UBE2E2: variants seen among roughly 807,000 people sequenced by gnomAD.
The protein encoded by UBE2E2 is ubiquitin-conjugating enzyme E2 E2.
A neutral mutation model predicts 24.7 loss-of-function variants in UBE2E2; 6 were observed. That is an observed-to-expected ratio of 0.24 (90% CI 0.13 to 0.48). The LOEUF is 0.48. UBE2E2 is among the 20% of genes least tolerant of loss of function. UBE2E2 has a pLI of 0.99. For synonymous variants in UBE2E2, 104 were observed against 83.6 expected, an observed-to-expected ratio of 1.24 and a Z score of -1.33; for missense variants, 169 against 245.0, an observed-to-expected ratio of 0.69 and a Z score of 2.07.
intron 3 of UBE2E2, among the ~76,000 whole-genome samples, chr3:23,345,961 C>T (rs1234330763): frequency 6.6e-6 from 1 of 152,146 alleles, no homozygotes. Context: ...CGGCAGACAG[C>T]AGAAACTAAT....
At chr3:23,267,005 C>G (rs1334105235) in intron 3 of UBE2E2, among the ~76,000 whole-genome samples, 1 of 151,998 alleles carries the variant, frequency 6.6e-6, no homozygotes, top group Non-Finnish European at 1.5e-5. Flanking sequence ...TTTGAAACCA[C>G]TGAGAACAAA....
intron 4 of UBE2E2, among the ~76,000 whole-genome samples, chr3:23,507,067 A>G (rs1052502523): frequency 1.3e-5 from 2 of 152,228 alleles, no homozygotes; most frequent in African/African-American, 4.8e-5. Flanking sequence ...TCAAAGTGCC[A>G]GCCATCATTT....
At chr3:23,269,219 A>G (rs561441814) in intron 3 of UBE2E2, among the ~76,000 whole-genome samples, 2 of 145,992 alleles carry the variant, frequency 1.4e-5, no homozygotes, top group African/African-American at 5.0e-5. Flanking sequence ...AATTAAACTA[A>G]AGAACTTCTG....
At chr3:23,365,107 A>T (rs1696219963) in intron 3 of UBE2E2, among the ~76,000 whole-genome samples, 1 of 152,234 alleles carries the variant, frequency 6.6e-6, no homozygotes, top group African/African-American at 2.4e-5. Flanking sequence ...CAAACTAGGC[A>T]TTGAAGTAAT....
intron 3 of UBE2E2, among the ~76,000 whole-genome samples, chr3:23,409,155 T>C (rs1697439797): frequency 6.6e-6 from 1 of 152,198 alleles, no homozygotes; most frequent in South Asian, 2.1e-4. Context: ...TGCCATTCCT[T>C]TCTGCCATGT....
intron 3 of UBE2E2, among the ~76,000 whole-genome samples, chr3:23,384,087 C>T (rs1696746396): frequency 6.6e-6 from 1 of 152,108 alleles, no homozygotes. Flanking sequence ...CCTTAAACTC[C>T]TGGGCTCAAG....
intron 3 of UBE2E2, among the ~76,000 whole-genome samples, chr3:23,345,464 C>T (rs1019410311): frequency 1.2e-4 from 18 of 152,206 alleles, no homozygotes; most frequent in African/African-American, 4.1e-4. Context: ...TTAAAATATA[C>T]GTGGCAAAAC....
chr3:23,343,748 G>C (rs1695468121), intron 3 of UBE2E2, among the ~76,000 whole-genome samples: 1 of 152,098 alleles, frequency 6.6e-6, no homozygotes. Context: ...CTTAGCCACT[G>C]TCTGGACTTC....
chr3:23,517,747 A>G (rs1694774599), intron 4 of UBE2E2, among the ~76,000 whole-genome samples: 1 of 152,178 alleles, frequency 6.6e-6, no homozygotes, highest in Non-Finnish European at 1.5e-5. Context: ...TGAAGTTGGC[A>G]CTATTTATTT....
At chr3:23,338,898 T>A (rs1455097197) in intron 3 of UBE2E2, among the ~76,000 whole-genome samples, 1 of 152,142 alleles carries the variant, frequency 6.6e-6, no homozygotes, top group Non-Finnish European at 1.5e-5. Flanking sequence ...ACTACAGTAA[T>A]AATTGTTTTA....
At chr3:23,444,783 G>A (rs976246974) in intron 3 of UBE2E2, among the ~76,000 whole-genome samples, 1 of 152,124 alleles carries the variant, frequency 6.6e-6, no homozygotes, top group Non-Finnish European at 1.5e-5. Context: ...GATTCTAAGG[G>A]GATGTGCCCA....
chr3:23,282,463 A>G (rs557101648), intron 3 of UBE2E2, among the ~76,000 whole-genome samples: 9 of 152,292 alleles, frequency 5.9e-5, no homozygotes, highest in African/African-American at 2.2e-4. Context: ...CACACACAAA[A>G]TTCTTGTGTC....
intron 3 of UBE2E2, among the ~76,000 whole-genome samples, chr3:23,275,511 A>T (rs1323416537): frequency 1.3e-5 from 2 of 152,200 alleles, no homozygotes; most frequent in Non-Finnish European, 2.9e-5. Flanking sequence ...GAGCAATGGG[A>T]AGCCTTTGAA....
chr3:23,449,688 A>G (rs761699947), intron 3 of UBE2E2, among the ~76,000 whole-genome samples: 1 of 152,174 alleles, frequency 6.6e-6, no homozygotes, highest in Non-Finnish European at 1.5e-5. Flanking sequence ...TAGGGGACTC[A>G]GGGGCAGACA....
chr3:23,228,428 G>A (rs79907595), intron 3 of UBE2E2, among the ~76,000 whole-genome samples: 2,601 of 152,224 alleles, frequency 0.017, 31 homozygotes, highest in Middle Eastern at 0.041. Flanking sequence ...GAGATAGGAA[G>A]TGTCATATTA....
chr3:23,544,759 A>G, intron 5 of UBE2E2, among the ~76,000 whole-genome samples: 1 of 151,926 alleles, frequency 6.6e-6, no homozygotes, highest in South Asian at 2.1e-4. Flanking sequence ...AAGTATAGAG[A>G]AAGAAATAAG....
intron 5 of UBE2E2, among the ~76,000 whole-genome samples, chr3:23,562,452 G>A (rs939559576): frequency 4.6e-5 from 7 of 152,188 alleles, no homozygotes; most frequent in East Asian, 1.9e-4. Flanking sequence ...TTTTTGATGT[G>A]CTGCTGGATT....
chr3:23,522,075 A>G (rs746095219), intron 4 of UBE2E2, among the ~76,000 whole-genome samples: 55 of 152,050 alleles, frequency 3.6e-4, no homozygotes, highest in Non-Finnish European at 6.3e-4. Flanking sequence ...GTTATTGGAT[A>G]ACTTGTCCTA....
rs1696545908 is a variant in UBE2E2 at position 23,583,899 on chromosome 3, C to T, written c.509-5835C>T. Among the ~76,000 whole-genome samples the T allele has an allele frequency of 6.6e-6, 1 of 152,142 alleles. No homozygotes were observed. Among genetic ancestry groups the T allele is most frequent in the Non-Finnish European group, 1.5e-5 (1 of 68,032 alleles). On this transcript the variant is annotated intron_variant, in intron 5 of 5. Transcript: ENST00000396703. This position sits in a 1 kb window ranked among gnomAD's most constrained non-coding sequence, Gnocchi z 4.1. ...GACTTCCTCCCTTCCTATTCGAATG[C>T]ATTTTATTTCTTTCTCTTGCCTGAT...
Sources: gnomAD v4.1 joint callset for allele counts (sites outside exome capture counted in the v4.1 genomes callset) on GRCh38, gnomAD v4.1.1 for gene constraint, Gnocchi (gnomAD v3.1) non-coding constraint, MANE v1.5 for transcripts, NCBI Gene and HGNC (gene_info 2026-07-23, HGNC 2026-07-21) for gene names.